The following NSMAF variants were observed in gnomAD, a reference collection of about 807,000 sequenced individuals.
NSMAF encodes protein FAN.
A neutral mutation model predicts 134.9 loss-of-function variants in NSMAF; 90 were observed. The ratio of observed to expected loss-of-function variants is 0.67; its 90% CI spans 0.56 to 0.79. The LOEUF (loss-of-function observed/expected upper bound fraction) is 0.79, where lower values mean the gene tolerates loss of function less well. Among genes scored for constraint, NSMAF ranks in the 30% least tolerant of loss-of-function variants. NSMAF has a pLI of 0.00. For synonymous variants in NSMAF, 358 were observed against 389.6 expected (o/e 0.92, Z 0.96); for missense variants, 1,010 against 1,119.0 (o/e 0.90, Z 1.39).
At chr8:58,607,005 G>T (rs1806424703) in intron 11 of NSMAF, among the ~76,000 whole-genome samples, 1 of 152,150 alleles carries the variant, frequency 6.6e-6, no homozygotes, top group Non-Finnish European at 1.5e-5. Context: ...TGCTATTAGT[G>T]CTGGAAATGG....
intron 28 of NSMAF, chr8:58,586,218 T>C: frequency 1.6e-6 from 1 of 621,536 alleles, no homozygotes; most frequent in Non-Finnish European, 2.8e-6. Flanking sequence ...ATTTTTATCT[T>C]AAATTAATTT....
chr8:58,603,256 G>A lies in NSMAF; in HGVS notation c.999C>T (p.Tyr333=), dbSNP rs1806326328. The A allele has an allele frequency of 6.2e-6, 10 of 1,614,080 alleles. No homozygotes were observed. The highest frequency in any genetic ancestry group is 1.7e-5 in the Admixed American group (1 of 59,996). The change falls in exon 13 of 31, where the codon TAC becomes TAT. Residue 333 remains tyrosine (Y), a synonymous_variant. Coordinates refer to ENST00000038176, the MANE Select transcript of NSMAF (RefSeq NM_003580.4). ...ADRSCNDLSQ[Y]PVFPWIIHDY... is the part of the protein sequence containing the mutation. ...CATGTATTATCCATGGAAACACAGG[G>A]TACTGGGAGAGGTCGTTGCAGCTGC... is the stretch of plus-strand genomic sequence containing the variant.
rs539957689 is a variant in NSMAF at position 58,593,247 on chromosome 8, A to C, written c.1951+985T>G. On this transcript the variant is annotated intron_variant, in intron 23 of 30. Coordinates refer to ENST00000038176, the MANE Select transcript of NSMAF (RefSeq NM_003580.4). ...TGGCCCAGTTTGGGAACTGCACATGAACTTCCTTTTGATCTACTGTGTAGA... is the reference window on the plus strand; with the variant it reads ...TGGCCCAGTTTGGGAACTGCACATGCACTTCCTTTTGATCTACTGTGTAGA... 2.0e-5 allele frequency among the ~76,000 whole-genome samples: 3 copies of C among 152,350 alleles called. No homozygotes were observed. The East Asian group carries it at 5.8e-4, about 29-fold the overall frequency.
Position 58,605,893 on chromosome 8 carries a change from A to AAG in NSMAF, c.868+33_868+34insCT, listed in dbSNP as rs1554574320. Reference sequence around the variant, plus strand: ...AGACTCAGCCTCCAAAAAAAAAAAAAAAAGAAAGAAACAATGAAGGGTGAG... The same window carrying AAG: ...AGACTCAGCCTCCAAAAAAAAAAAAAAGAAAGAAAGAAACAATGAAGGGTGAG... On this transcript the variant is annotated intron_variant, in intron 12 of 30. Transcript: ENST00000038176. 1.8e-5 allele frequency: 28 copies of AAG among 1,515,792 alleles called. No homozygotes were observed. The East Asian group carries it at 4.5e-4, about 24-fold the overall frequency. 93.9% of individuals were successfully genotyped at this position (1,515,792 alleles called of 1,614,324 possible). A position where few individuals can be genotyped will look rare whatever the true frequency, so the allele number is the denominator to read the frequency against.
chr8:58,639,656 A>G (rs1807287036), intron 2 of NSMAF, among the ~76,000 whole-genome samples: 1 of 152,236 alleles, frequency 6.6e-6, no homozygotes, highest in Admixed American at 6.5e-5. Flanking sequence ...CTGTACTCCC[A>G]TGTTCATTAC....
At chr8:58,626,437 C>T (rs1806933170) in intron 6 of NSMAF, among the ~76,000 whole-genome samples, 1 of 152,162 alleles carries the variant, frequency 6.6e-6, no homozygotes, top group African/African-American at 2.4e-5. Flanking sequence ...TATCTTAGCT[C>T]CCACTTATAA....
intron 12 of NSMAF, among the ~76,000 whole-genome samples, chr8:58,604,320 C>T: frequency 6.6e-6 from 1 of 151,838 alleles, no homozygotes; most frequent in East Asian, 1.9e-4. Context: ...TAGATCATGG[C>T]AAAGTTTTTG....
At chr8:58,631,244 A>T (rs918217895) in intron 6 of NSMAF, 2 of 311,976 alleles carry the variant, frequency 6.4e-6, no homozygotes. Context: ...GCATATTCTG[A>T]TTTTAATTTC....
chr8:58,592,896 CA>C (rs921265025), intron 23 of NSMAF, among the ~76,000 whole-genome samples: 1 of 113,446 alleles, frequency 8.8e-6, no homozygotes, highest in African/African-American at 5.0e-5. Context: ...CAAAAAAAAA[CA>C]AAAACAAAAA....
chr8:58,596,030 G>A, intron 21 of NSMAF: 1 of 190,416 alleles, frequency 5.3e-6, no homozygotes, highest in Non-Finnish European at 1.1e-5. Flanking sequence ...TCTGGTGTGG[G>A]GTGGGGAAAG....
chr8:58,615,603 T>C (rs1806637838), intron 9 of NSMAF, among the ~76,000 whole-genome samples: 1 of 152,150 alleles, frequency 6.6e-6, no homozygotes, highest in Admixed American at 6.5e-5. Context: ...GGAGAAATGA[T>C]GAAGAAAATT....
chr8:58,603,317 T>C lies in NSMAF; in HGVS notation c.938A>G (p.Tyr313Cys), dbSNP rs1806328689. Residue 313 changes from tyrosine (Y) to cysteine (C), a missense_variant, in exon 13 of 31, where the codon TAT becomes TGT. Coordinates refer to ENST00000038176, the MANE Select transcript of NSMAF (RefSeq NM_003580.4). ...GTTGTTGAGGTGAAGGAGGTACTGA[T>C]AGTTGGAAAGGTGTCCACGCTGCCA... ...LQWQRGHLSN[Y>C]QYLLHLNNLA... 2 of 1,614,142 alleles carry C rather than the reference T, an allele frequency of 1.2e-6. No individual in the cohort carries two copies. The highest frequency in any genetic ancestry group is 1.7e-6 in the Non-Finnish European group (2 of 1,180,000).
intron 12 of NSMAF, among the ~76,000 whole-genome samples, chr8:58,603,796 G>A (rs1163581798): frequency 1.3e-5 from 2 of 152,120 alleles, no homozygotes; most frequent in East Asian, 3.8e-4. Flanking sequence ...TGAAATTAAA[G>A]CAATCTTTTA....
intron 18 of NSMAF, 117 bp downstream of exon 18, chr8:58,599,633 T>G (rs1222251537): frequency 8.5e-7 from 1 of 1,173,876 alleles, no homozygotes. Flanking sequence ...GGCTCATATA[T>G]CCTTATTTAG....
At chr8:58,654,555 A>G (rs540612868) in intron 1 of NSMAF, among the ~76,000 whole-genome samples, 1 of 152,306 alleles carries the variant, frequency 6.6e-6, no homozygotes, top group African/African-American at 2.4e-5. Flanking sequence ...CTTCTCAAAA[A>G]AGAAAAAAAG....
intron 1 of NSMAF, among the ~76,000 whole-genome samples, chr8:58,655,951 C>T (rs1017499891): frequency 6.6e-6 from 1 of 152,114 alleles, no homozygotes; most frequent in African/African-American, 2.4e-5. Flanking sequence ...AATTTACCCT[C>T]ACCAACACCT....
Position 58,635,488 on chromosome 8 carries a change from T to C in NSMAF, c.208A>G (p.Ile70Val), listed in dbSNP as rs1408373982. The change falls in exon 3 of 31, where the codon ATA (isoleucine) becomes GTA (valine). Residue 70 changes from isoleucine (I) to valine (V), a missense_variant. Transcript: ENST00000038176. ...SKSVIFEPDS[I>V]SQPIIKIPLR... ...TTTACCTTGATGATGGGCTGGGATA[T>C]TGAATCTGGTTCAAAAATCACCGAT... 1.2e-6 allele frequency: 2 copies of C among 1,605,310 alleles called. No individual in the cohort carries two copies. The highest frequency in any genetic ancestry group is 1.7e-6 in the Non-Finnish European group (2 of 1,177,048).
intron 9 of NSMAF, among the ~76,000 whole-genome samples, chr8:58,610,571 T>C (rs1056745969): frequency 2.6e-5 from 4 of 152,128 alleles, no homozygotes; most frequent in Non-Finnish European, 5.9e-5. Flanking sequence ...ATGTTGAGCA[T>C]GTAAAGCAAC....
At chr8:58,632,638 C>T (rs1021682494) in intron 5 of NSMAF, among the ~76,000 whole-genome samples, 1 of 152,152 alleles carries the variant, frequency 6.6e-6, no homozygotes, top group African/African-American at 2.4e-5. Context: ...CCACTCTGTC[C>T]ACTCTCAGTC....
Sources: allele counts gnomAD v4.1 joint callset (sites outside exome capture counted in the v4.1 genomes callset), GRCh38; gene constraint gnomAD v4.1.1; transcripts MANE v1.5; gene names NCBI Gene and HGNC (gene_info 2026-07-23, HGNC 2026-07-21).